The following PTGR2 variants were observed in gnomAD, a reference collection of about 807,000 sequenced individuals.
The protein encoded by PTGR2 is 15-oxoprostaglandin 13-reductase.
A neutral mutation model predicts 43.4 loss-of-function variants in PTGR2; 32 were observed. The ratio of observed to expected loss-of-function variants is 0.74; its 90% CI spans 0.56 to 0.99. The LOEUF (loss-of-function observed/expected upper bound fraction) is 0.99. Ranked by LOEUF, PTGR2 falls within the 50% of genes least tolerant of loss-of-function variation. The pLI is 0.00. For synonymous variants in PTGR2, 106 were observed against 139.2 expected (o/e 0.76, Z 1.68); for missense variants, 373 against 420.0 (o/e 0.89, Z 0.98).
In PTGR2 at chr14:73,884,839, G is replaced by A. The variant is rs2055087975; in HGVS notation, c.*662G>A. 2.0e-5 allele frequency: 3 copies of A among 151,906 alleles called. No individual in the cohort carries two copies. The highest frequency in any genetic ancestry group is 4.9e-5 in the African/African-American group (2 of 41,234). The allele number at this position is 151,906 out of a possible 1,614,324, so 9.4% of individuals were successfully genotyped here. A position where few individuals can be genotyped will look rare whatever the true frequency, so the allele number is the denominator to read the frequency against. ...TAAGTTGACAAGATTTACTCCAGAG[G>A]ATCATCTCTTTGTATTTGCCAAATA... On this transcript the variant is annotated 3_prime_UTR_variant, in exon 10 of 10. Transcript: ENST00000555661.
intron 7 of PTGR2, among the ~76,000 whole-genome samples, chr14:73,880,961 T>C (rs1264034540): frequency 1.3e-5 from 2 of 152,138 alleles, no homozygotes; most frequent in Non-Finnish European, 2.9e-5. Flanking sequence ...CATGCCCGGC[T>C]AATTTTTTTG....
chr14:73,864,790 A>G (rs1384097222), intron 3 of PTGR2, among the ~76,000 whole-genome samples: 1 of 152,114 alleles, frequency 6.6e-6, no homozygotes, highest in African/African-American at 2.4e-5. Flanking sequence ...AAAAGTTTTT[A>G]ATTTTGATAA....
Position 73,874,072 on chromosome 14 carries a change from A to G in PTGR2, c.206A>G (p.Gln69Arg), listed in dbSNP as rs763714400. The change falls in exon 4 of 10, where the codon CAG becomes CGG. Residue 69 changes from glutamine (Q) to arginine (R), a missense_variant. By Grantham distance (43) the Gln-to-Arg change is conservative. Coordinates refer to ENST00000555661, the MANE Select transcript of PTGR2 (RefSeq NM_001146154.2). ...DTGTDYITPW[Q>R]LSQVVDGGGI... ...GGCACTGATTATATAACACCTTGGC[A>G]GCTATCTCAAGTCGTTGATGGAGGA... 31 of 1,613,636 alleles carry G rather than the reference A, an allele frequency of 1.9e-5. No individual in the cohort carries two copies. Among genetic ancestry groups the G allele is most frequent in the Non-Finnish European group, 1.5e-5 (18 of 1,179,838 alleles).
intron 5 of PTGR2, chr14:73,877,613 G>GTTT (rs3076728): frequency 0.078 from 11,496 of 147,146 alleles, 864 homozygotes; most frequent in East Asian, 0.44. Context: ...TGTAGAAATG[G>GTTT]TTTTTTTTTT....
intron 1 of PTGR2, among the ~76,000 whole-genome samples, chr14:73,857,239 T>TTG (rs954314249): frequency 5.2e-5 from 2 of 38,176 alleles, no homozygotes; most frequent in African/African-American, 6.9e-5. Context: ...GGAATTTCCG[T>TTG]TTTTTTTTTT....
At chr14:73,878,759 T>A in intron 5 of PTGR2, 1 of 351,526 alleles carries the variant, frequency 2.8e-6, no homozygotes, top group South Asian at 2.5e-5. Flanking sequence ...ATGTTTTAGG[T>A]AGGCTAGGCT....
At chr14:73,862,267 G>A (rs1258480564) in intron 3 of PTGR2, among the ~76,000 whole-genome samples, 1 of 151,936 alleles carries the variant, frequency 6.6e-6, no homozygotes, top group Non-Finnish European at 1.5e-5. Context: ...GAGTGCAGTG[G>A]CGCGATCTCG....
chr14:73,863,720 T>G (rs1042279750), intron 3 of PTGR2, among the ~76,000 whole-genome samples: 95 of 151,802 alleles, frequency 6.3e-4, no homozygotes, highest in African/African-American at 2.2e-3. Flanking sequence ...ATTCAAGAGA[T>G]TCTCATGCCT....
chr14:73,879,502 A>T (rs1566642324), intron 6 of PTGR2, 197 bp downstream of exon 6: 9 of 519,466 alleles, frequency 1.7e-5, no homozygotes, highest in Non-Finnish European at 2.0e-5. Context: ...TGTACTATGA[A>T]CTTCAATTTC....
At chr14:73,861,900 C>T (rs1368586398) in intron 3 of PTGR2, among the ~76,000 whole-genome samples, 4 of 149,382 alleles carry the variant, frequency 2.7e-5, no homozygotes, top group African/African-American at 7.4e-5. Context: ...TTTTTTGGGA[C>T]GGAGTCTCAC....
rs757800218 is a variant in PTGR2, at chr14:73,884,192, A to C, written c.*15A>C. On this transcript the variant is annotated 3_prime_UTR_variant, in exon 10 of 10. Coordinates refer to ENST00000555661, the MANE Select transcript of PTGR2 (RefSeq NM_001146154.2). ...TCTCTTTGTAATTGCTGTAAATGTCATCAAGGCAATCATAGATTTCTTTTC... is the reference window on the plus strand; with the variant it reads ...TCTCTTTGTAATTGCTGTAAATGTCCTCAAGGCAATCATAGATTTCTTTTC... 4.8e-6 allele frequency: 7 copies of C among 1,456,384 alleles called. No individual in the cohort carries two copies. Among genetic ancestry groups the C allele is most frequent in the Non-Finnish European group, 6.7e-6 (7 of 1,048,982 alleles). 90.2% of individuals were successfully genotyped at this position (1,456,384 alleles called of 1,614,324 possible).
chr14:73,873,624 C>T (rs1471001881), intron 3 of PTGR2, among the ~76,000 whole-genome samples: 1 of 151,880 alleles, frequency 6.6e-6, no homozygotes, highest in Admixed American at 6.6e-5. Flanking sequence ...GCCATCATGC[C>T]TGGCTAATTT....
intron 3 of PTGR2, among the ~76,000 whole-genome samples, chr14:73,862,803 G>A (rs1203380502): frequency 2.6e-5 from 4 of 152,012 alleles, no homozygotes; most frequent in African/African-American, 9.7e-5. Context: ...GACCTCCTGG[G>A]CTCAAGCAGT....
Position 73,885,564 on chromosome 14 carries a change from T to G in PTGR2, c.*1387T>G, listed in dbSNP as rs1203640650. On this transcript the variant is annotated 3_prime_UTR_variant, in exon 10 of 10. Coordinates refer to ENST00000555661, the MANE Select transcript of PTGR2 (RefSeq NM_001146154.2). ...CTGTGTTGGTAATCAGCCTCCCCAG[T>G]TTTCGTGAGTGGCCCTTTTTTGTTA... is the stretch of plus-strand genomic sequence containing the variant. The G allele has an allele frequency of 6.6e-6, 1 of 152,198 alleles. No individual in the cohort carries two copies. Among genetic ancestry groups the G allele is most frequent in the Non-Finnish European group, 1.5e-5 (1 of 68,038 alleles). The allele number at this position is 152,198 out of a possible 1,614,324, so 9.4% of individuals were successfully genotyped here. A position where few individuals can be genotyped will look rare whatever the true frequency, so the allele number is the denominator to read the frequency against.
Position 73,860,641 on chromosome 14 carries a change from C to T in PTGR2, c.140C>T (p.Ser47Phe). Residue 47 changes from serine to phenylalanine, a missense_variant, in exon 3 of 10, where the codon TCT becomes TTT. Coordinates refer to ENST00000555661, the MANE Select transcript of PTGR2 (RefSeq NM_001146154.2). ...GQVQVRTLYL[S>F]VDPYMRCRMN... ...GTACAAGTTAGAACTCTTTATCTTT[C>T]TGTGGATCCTTACATGGTAAGAATC... 7.1e-7 allele frequency: 1 copy of T among 1,412,800 alleles called. No homozygotes were observed. Among genetic ancestry groups the T allele is most frequent in the South Asian group, 1.2e-5 (1 of 81,476 alleles). The allele number at this position is 1,412,800 out of a possible 1,614,324, so 87.5% of individuals were successfully genotyped here. A position where few individuals can be genotyped will look rare whatever the true frequency, so the allele number is the denominator to read the frequency against.
intron 1 of PTGR2, among the ~76,000 whole-genome samples, chr14:73,853,872 ACT>A (rs2054285465): frequency 6.6e-6 from 1 of 152,076 alleles, no homozygotes; most frequent in African/African-American, 2.4e-5. Flanking sequence ...CAAGGTAAAC[ACT>A]CAACACACTC....
At chr14:73,859,260 G>A (rs1326187249) in intron 2 of PTGR2, among the ~76,000 whole-genome samples, 2 of 152,028 alleles carry the variant, frequency 1.3e-5, no homozygotes, top group African/African-American at 2.4e-5. Context: ...TATGTGAAAT[G>A]TACTAACATA....
chr14:73,867,233 C>G (rs1489933924), intron 3 of PTGR2, among the ~76,000 whole-genome samples: 1 of 152,020 alleles, frequency 6.6e-6, no homozygotes, highest in Non-Finnish European at 1.5e-5. Flanking sequence ...ACTAGAATCT[C>G]TACTGTCAGC....
At chr14:73,865,246 C>G (rs2054575498) in intron 3 of PTGR2, among the ~76,000 whole-genome samples, 1 of 152,134 alleles carries the variant, frequency 6.6e-6, no homozygotes, top group Non-Finnish European at 1.5e-5. Context: ...TTGTCAGTCC[C>G]AAGGCCTGAG....
Sources: allele counts gnomAD v4.1 joint callset (sites outside exome capture counted in the v4.1 genomes callset), GRCh38; gene constraint gnomAD v4.1.1; transcripts MANE v1.5; gene names NCBI Gene and HGNC (gene_info 2026-07-23, HGNC 2026-07-21).